Variants in ATP13A4 observed in about 807,000 individuals in gnomAD.
The protein encoded by ATP13A4 is ATPase 13A4.
Under a neutral mutation model 142.5 loss-of-function variants are expected in ATP13A4, and 114 were observed. The observed-to-expected ratio is 0.80, with a 90% CI of 0.69 to 0.93. The LOEUF (loss-of-function observed/expected upper bound fraction) is 0.93, where lower values mean the gene tolerates loss of function less well. ATP13A4 is among the 40% of genes least tolerant of loss of function. The probability of loss-of-function intolerance (pLI) is 0.00; values close to 1 mark genes in which losing one functional copy is unlikely to be tolerated. For synonymous variants in ATP13A4, 488 were observed against 514.8 expected (o/e 0.95, Z 0.70); for missense variants, 1,392 against 1,454.0 (o/e 0.96, Z 0.69).
intron 7 of ATP13A4, 89 bp from the exon 8 acceptor site, chr3:193,484,094 G>T: frequency 8.9e-7 from 1 of 1,119,072 alleles, no homozygotes; most frequent in Non-Finnish European, 1.4e-6. Context: ...TAAAGATAGA[G>T]CACTGTCTTA....
chr3:193,470,890 G>A lies in ATP13A4; in HGVS notation c.912C>T (p.Gly304=), dbSNP rs138401421. The A allele has an allele frequency of 1.4e-5, 23 of 1,613,988 alleles. No homozygotes were observed. Among genetic ancestry groups the A allele is most frequent in the Non-Finnish European group, 1.9e-5 (22 of 1,180,044 alleles). The change falls in exon 9 of 30, where the codon GGC becomes GGT. Residue 304 remains glycine (G), a synonymous_variant. Coordinates refer to ENST00000342695, the MANE Select transcript of ATP13A4 (RefSeq NM_032279.4). Reference sequence around the variant, plus strand: ...GCATGCCTTCATCCACCACACAGCTGCCTTCAATCAGAACGGCATCACATG... The same window carrying A: ...GCATGCCTTCATCCACCACACAGCTACCTTCAATCAGAACGGCATCACATG... The part of the protein sequence containing the change: ...LMPCDAVLIE[G]SCVVDEGMLT...
At chr3:193,440,796 G>A (rs1177789376) in intron 20 of ATP13A4, among the ~76,000 whole-genome samples, 159 bp from the exon 21 acceptor site, 5 of 151,990 alleles carry the variant, frequency 3.3e-5, no homozygotes, top group Non-Finnish European at 7.4e-5. Flanking sequence ...CAAACATTGA[G>A]GTTTTGGTCA....
intron 8 of ATP13A4, among the ~76,000 whole-genome samples, chr3:193,478,409 C>A (rs1318428166): frequency 2.0e-5 from 3 of 151,700 alleles, no homozygotes; most frequent in African/African-American, 4.9e-5. Flanking sequence ...GACAGAAGAT[C>A]CAAATAAGCT....
intron 1 of ATP13A4, among the ~76,000 whole-genome samples, chr3:193,552,409 A>T (rs1247364157): frequency 6.6e-6 from 1 of 152,222 alleles, no homozygotes; most frequent in African/African-American, 2.4e-5. Flanking sequence ...TTCTACCACA[A>T]GAGAAATTAC....
At chr3:193,410,642 T>A (rs1304080297) in intron 28 of ATP13A4, among the ~76,000 whole-genome samples, 1 of 152,118 alleles carries the variant, frequency 6.6e-6, no homozygotes, top group African/African-American at 2.4e-5. Context: ...TTGCTTGAGC[T>A]CAGAAATTTG....
intron 1 of ATP13A4, among the ~76,000 whole-genome samples, chr3:193,549,431 TATAG>T (rs34838973): frequency 0.058 from 7,860 of 136,150 alleles, 225 homozygotes; most frequent in South Asian, 0.11. Context: ...TATATATATA[TATAG>T]AGAGAGAGAG....
chr3:193,507,641 G>A (rs1316174471), intron 2 of ATP13A4, among the ~76,000 whole-genome samples: 4 of 152,128 alleles, frequency 2.6e-5, no homozygotes, highest in South Asian at 2.1e-4. Flanking sequence ...TTTTTTTGGA[G>A]GGATGGGATT....
intron 2 of ATP13A4, among the ~76,000 whole-genome samples, chr3:193,566,402 C>T (rs557262572): frequency 6.6e-6 from 1 of 152,268 alleles, no homozygotes; most frequent in East Asian, 1.9e-4. Flanking sequence ...TGCCTCCTTA[C>T]TCAGTGTACC....
chr3:193,499,271 G>C lies in ATP13A4; in HGVS notation c.381+3222C>G, dbSNP rs1294817484. Among the ~76,000 whole-genome samples the C allele has an allele frequency of 2.0e-5, 3 of 152,190 alleles. 1 individual carries two copies. Among genetic ancestry groups the C allele is most frequent in the Admixed American group, 2.0e-4 (3 of 15,284 alleles). On this transcript the variant is annotated intron_variant, in intron 3 of 29. Transcript: ENST00000342695. ...ACACACAATCTCTCTCTAATTTGCA[G>C]ATTTCACAATCTGCAAAGGAAATAT...
intron 3 of ATP13A4, among the ~76,000 whole-genome samples, chr3:193,493,572 A>C (rs1045254221): frequency 6.6e-6 from 1 of 152,170 alleles, no homozygotes; most frequent in South Asian, 2.1e-4. Context: ...GGAAGGCATC[A>C]TGATGGAGAT....
chr3:193,544,384 A>G (rs1403705110), intron 1 of ATP13A4, among the ~76,000 whole-genome samples: 1 of 152,228 alleles, frequency 6.6e-6, no homozygotes. Flanking sequence ...TGGCTGCCAC[A>G]GAGAGGGAGA....
chr3:193,581,112 TAAGAG>T (rs1344859693), intron 2 of ATP13A4, among the ~76,000 whole-genome samples: 3 of 152,168 alleles, frequency 2.0e-5, no homozygotes, highest in Non-Finnish European at 4.4e-5. Context: ...CATTAGTGAG[TAAGAG>T]AAAAGTAAAA....
intron 8 of ATP13A4, among the ~76,000 whole-genome samples, 199 bp from the exon 9 acceptor site, chr3:193,471,192 C>A (rs1018702169): frequency 6.6e-6 from 1 of 151,904 alleles, no homozygotes; most frequent in Non-Finnish European, 1.5e-5. Context: ...AAATAAAAAT[C>A]TTTGTGTGGC....
At chr3:193,431,494 C>T (rs894194178) in intron 25 of ATP13A4, among the ~76,000 whole-genome samples, 6 of 151,736 alleles carry the variant, frequency 4.0e-5, no homozygotes, top group African/African-American at 1.5e-4. Flanking sequence ...GAAAAGACAG[C>T]GGATCCAAGA....
Position 193,435,740 on chromosome 3 carries a change from C to T in ATP13A4, c.2677G>A (p.Gly893Arg). 2 of 1,612,270 alleles carry T rather than the reference C, an allele frequency of 1.2e-6. No homozygotes were observed. Among genetic ancestry groups the T allele is most frequent in the Non-Finnish European group, 1.7e-6 (2 of 1,178,412 alleles). The change falls in exon 24 of 30, where the codon GGA becomes AGA. Residue 893 changes from glycine (G) to arginine (R), a missense_variant. Transcript: ENST00000342695. ...IECVPHLIKE[G>R]RAALVTSFCM... The stretch of plus-strand genomic sequence containing the variant: ...AAGGAGGTAACGAGAGCTGCACGTC[C>T]TTCCCTGTGTAAGAAAAGAAATGAT...
rs1243637075 is a variant in ATP13A4, at chr3:193,548,958, C to T, written c.60+5782G>A. On this transcript the variant is annotated intron_variant, in intron 1 of 29. Transcript: ENST00000342695. ...GATTCTAGTTGAAAACATATAAATG[C>T]CAATAAACATACAAAGATGTGTTCA... is the stretch of plus-strand genomic sequence containing the variant. Among the ~76,000 whole-genome samples, 5 of 152,000 alleles carry T rather than the reference C, an allele frequency of 3.3e-5. No individual in the cohort carries two copies. In the East Asian group the frequency reaches 9.6e-4, roughly 29 times the overall value.
In ATP13A4 at chr3:193,576,249, CTTTTTTTTTTTTT is replaced by C. The variant is rs59910562; in HGVS notation, n.291+5445_291+5457del. On this transcript the variant is annotated intron_variant and non_coding_transcript_variant, in intron 2 of 3. Coordinates refer to the ATP13A4 transcript ENST00000489140. ...TCCATGGAATGTGGCTTGAATCAATCTTTTTTTTTTTTTTTTTTTTTTTTTTTTTTTTTGAGAC... is the reference window on the plus strand; with the variant it reads ...TCCATGGAATGTGGCTTGAATCAATCTTTTTTTTTTTTTTTTTTTTGAGAC... Among the ~76,000 whole-genome samples, 30 of 54,402 alleles carry C rather than the reference CTTTTTTTTTTTTT, an allele frequency of 5.5e-4. 1 individual carries two copies. The highest frequency in any genetic ancestry group is 1.6e-3 in the Admixed American group (5 of 3,102). The allele number at this position is 54,402 out of a possible 152,430, so 35.7% of individuals were successfully genotyped here.
intron 5 of ATP13A4, among the ~76,000 whole-genome samples, chr3:193,492,307 C>T (rs1719986824): frequency 6.6e-6 from 1 of 152,048 alleles, no homozygotes; most frequent in African/African-American, 2.4e-5. Context: ...TCCTTCTACC[C>T]ATGTCTATGA....
intron 3 of ATP13A4, among the ~76,000 whole-genome samples, chr3:193,493,950 C>T (rs1301391544): frequency 6.6e-6 from 1 of 151,858 alleles, no homozygotes; most frequent in African/African-American, 2.4e-5. Context: ...TGGAAGAAGA[C>T]ATTCCATGAA....
Sources: allele counts gnomAD v4.1 joint callset (sites outside exome capture counted in the v4.1 genomes callset), GRCh38; gene constraint gnomAD v4.1.1; transcripts MANE v1.5; gene names NCBI Gene and HGNC (gene_info 2026-07-23, HGNC 2026-07-21).